The following UGT1A10 variants were observed in gnomAD, a reference collection of about 807,000 sequenced individuals.
UGT1A10 encodes the protein UDP glucuronosyltransferase family 1 member A10, also known as UDP-glucuronosyltransferase 1A10.
In UGT1A10, 49 loss-of-function variants were observed where a neutral mutation model predicts 45.8. That is an observed-to-expected ratio of 1.07 (90% CI 0.85 to 1.36). The LOEUF is 1.36. Among genes scored for constraint, UGT1A10 ranks in the 40% most tolerant of loss-of-function variants. The pLI is 0.00. For missense variants in UGT1A10, 745 were observed against 668.6 expected (o/e 1.11, Z -1.26); for synonymous variants, 284 against 249.7 (o/e 1.14, Z -1.29).
intron 1 of UGT1A10, among the ~76,000 whole-genome samples, chr2:233,757,409 T>C (rs1456650401): frequency 6.6e-6 from 1 of 151,334 alleles, no homozygotes; most frequent in Non-Finnish European, 1.5e-5. Context: ...ATGCAGGGTC[T>C]AGAACGAAAA....
At chr2:233,743,379 G>A (rs553930129) in intron 1 of UGT1A10, 50 of 1,176,986 alleles carry the variant, frequency 4.2e-5, no homozygotes, top group South Asian at 3.5e-4. Flanking sequence ...CATCACTACC[G>A]TAGGACATGC....
At chr2:233,718,552 G>C (rs536854799) in intron 1 of UGT1A10, among the ~76,000 whole-genome samples, 10 of 152,348 alleles carry the variant, frequency 6.6e-5, no homozygotes, top group Admixed American at 2.6e-4. Context: ...GAATGAGAAA[G>C]AAGAGCTTGA....
At chr2:233,743,706 C>G in intron 1 of UGT1A10, 1 of 1,367,368 alleles carries the variant, frequency 7.3e-7, no homozygotes, top group Non-Finnish European at 9.8e-7. Context: ...TCCGCCCCCG[C>G]CTCGCCATAG....
chr2:233,772,026 TG>T lies in UGT1A10; in HGVS notation c.1296-234del, dbSNP rs35071442. On this transcript the variant is annotated intron_variant, in intron 4 of 4. Transcript: ENST00000344644. Reference sequence around the variant, plus strand: ...TACTCTGGAGGCTGAGGCAGGAGGATGGCTTGAGCCCAGGAGTTGGAGGCTG... The same window carrying T: ...TACTCTGGAGGCTGAGGCAGGAGGATGCTTGAGCCCAGGAGTTGGAGGCTG... 2.7e-3 allele frequency among the ~76,000 whole-genome samples: 414 copies of T among 152,300 alleles called. 2 individuals carry two copies. Among genetic ancestry groups the T allele is most frequent in the African/African-American group, 9.1e-3 (379 of 41,546 alleles).
chr2:233,684,878 G>A (rs1473461044), intron 1 of UGT1A10, among the ~76,000 whole-genome samples: 1 of 152,092 alleles, frequency 6.6e-6, no homozygotes, highest in Admixed American at 6.5e-5. Context: ...ATATGGGCAG[G>A]GTGTGTCTTG....
intron 1 of UGT1A10, chr2:233,729,865 G>C (rs2077938207): frequency 3.7e-6 from 6 of 1,613,698 alleles, no homozygotes; most frequent in African/African-American, 1.3e-5. Context: ...GTCAGTGGTG[G>C]ATATTCTCAG....
At chr2:233,693,140 G>C in intron 1 of UGT1A10, 1 of 1,614,230 alleles carries the variant, frequency 6.2e-7, no homozygotes, top group Non-Finnish European at 8.5e-7. Flanking sequence ...GAAGGATATA[G>C]TTGAGGTTCT....
chr2:233,681,746 A>G, intron 1 of UGT1A10: 1 of 802,058 alleles, frequency 1.2e-6, no homozygotes, highest in Non-Finnish European at 1.5e-6. Context: ...GAAAACATAT[A>G]AGCAGGTATC....
At chr2:233,765,774 T>C (rs944173037) in intron 1 of UGT1A10, among the ~76,000 whole-genome samples, 1 of 152,060 alleles carries the variant, frequency 6.6e-6, no homozygotes, top group Non-Finnish European at 1.5e-5. Context: ...GGGGGATTCA[T>C]TGGACCACTG....
chr2:233,637,680 T>C (rs1339935092), intron 1 of UGT1A10, among the ~76,000 whole-genome samples: 1 of 152,216 alleles, frequency 6.6e-6, no homozygotes, highest in Non-Finnish European at 1.5e-5. Flanking sequence ...TTTTTGTTAA[T>C]TCTATGTGAC....
intron 1 of UGT1A10, chr2:233,761,144 T>A: frequency 6.2e-7 from 1 of 1,614,254 alleles, no homozygotes; most frequent in Non-Finnish European, 8.5e-7. Flanking sequence ...CAAAATCCAC[T>A]ATCCCAGGTG....
In UGT1A10 at chr2:233,769,405, G is replaced by A. The variant is rs932646645; in HGVS notation, c.1295+966G>A. On this transcript the variant is annotated intron_variant, in intron 4 of 4. Coordinates refer to ENST00000344644, the MANE Select transcript of UGT1A10 (RefSeq NM_019075.4). This position sits in a 1 kb window ranked among gnomAD's most constrained non-coding sequence, Gnocchi z 4.4. ...CAATAGATACTGTGTGCATATGTGC[G>A]TGTGCGTTTGTGCATGTGGCTGTGC... 111 of 1,239,692 alleles carry A rather than the reference G, an allele frequency of 9.0e-5. No homozygotes were observed. The South Asian group carries it at 1.2e-3, about 14-fold the overall frequency. The allele number at this position is 1,239,692 out of a possible 1,614,324, so 76.8% of individuals were successfully genotyped here.
intron 1 of UGT1A10, chr2:233,712,893 T>G (rs2076259922): frequency 6.2e-7 from 1 of 1,605,864 alleles, no homozygotes; most frequent in East Asian, 2.2e-5. Flanking sequence ...ACATGTTGAT[T>G]TGCTAGGTGT....
At chr2:233,729,952 A>T in intron 1 of UGT1A10, 1 of 1,614,072 alleles carries the variant, frequency 6.2e-7, no homozygotes, top group South Asian at 1.1e-5. Context: ...CATGGTCTTC[A>T]TTGGGGGCAT....
At chr2:233,724,944 C>G (rs1166254724) in intron 1 of UGT1A10, among the ~76,000 whole-genome samples, 4 of 144,592 alleles carry the variant, frequency 2.8e-5, no homozygotes, top group African/African-American at 1.1e-4. Context: ...CGTCTGCAAT[C>G]CCGGCACCTC....
intron 1 of UGT1A10, chr2:233,682,884 T>C (rs1375175448): frequency 6.6e-7 from 1 of 1,512,312 alleles, no homozygotes; most frequent in Non-Finnish European, 8.8e-7. Flanking sequence ...TTTACATTTG[T>C]CCCATTTGGA....
chr2:233,733,255 C>T (rs2078373056), intron 1 of UGT1A10, among the ~76,000 whole-genome samples: 1 of 152,174 alleles, frequency 6.6e-6, no homozygotes, highest in African/African-American at 2.4e-5. Context: ...CATCTGCAAA[C>T]AGGGACTATT....
chr2:233,716,022 C>A (rs1245337561), intron 1 of UGT1A10, among the ~76,000 whole-genome samples: 2 of 152,150 alleles, frequency 1.3e-5, no homozygotes, highest in African/African-American at 2.4e-5. Context: ...CTGATAGTTT[C>A]TTTTGATGTC....
intron 4 of UGT1A10, chr2:233,770,806 G>A (rs1700161628): frequency 6.6e-6 from 1 of 152,116 alleles, no homozygotes; most frequent in Admixed American, 6.5e-5. Context: ...TTTAAAGACA[G>A]TGTATTAGGC....
Sources: allele counts gnomAD v4.1 joint callset (sites outside exome capture counted in the v4.1 genomes callset), GRCh38; gene constraint gnomAD v4.1.1; non-coding constraint Gnocchi (gnomAD v3.1); transcripts MANE v1.5; gene names NCBI Gene and HGNC (gene_info 2026-07-23, HGNC 2026-07-21).